ADGRD1: variants seen among roughly 807,000 people sequenced by gnomAD.
ADGRD1 encodes the protein G-protein coupled receptor 133.
In ADGRD1, 77 loss-of-function variants were observed where a neutral mutation model predicts 113.4. That is an observed-to-expected ratio of 0.68 (90% CI 0.57 to 0.82). The LOEUF (loss-of-function observed/expected upper bound fraction) is 0.82, where lower values mean the gene tolerates loss of function less well. Among genes scored for constraint, ADGRD1 ranks in the 40% least tolerant of loss-of-function variants. ADGRD1 has a pLI of 0.00. For synonymous variants in ADGRD1, 474 were observed against 475.0 expected, an observed-to-expected ratio of 1.00 and a Z score of 0.03; for missense variants, 1,036 against 1,139.1, an observed-to-expected ratio of 0.91 and a Z score of 1.30.
chr12:131,008,428 G>A (rs7971540), intron 12 of ADGRD1, among the ~76,000 whole-genome samples: 2,615 of 152,326 alleles, frequency 0.017, 49 homozygotes, highest in African/African-American at 0.051. Context: ...CTTTGGTGCC[G>A]TAGTGTCCTT....
At chr12:131,111,660 C>G (rs1361710681) in intron 18 of ADGRD1, among the ~76,000 whole-genome samples, 3 of 151,392 alleles carry the variant, frequency 2.0e-5, no homozygotes, top group Admixed American at 2.0e-4. Flanking sequence ...TTCTTTATCT[C>G]TCTTCAAGTT....
rs1452165200 is a variant in ADGRD1, at chr12:131,014,347, G to T, written c.1473+7G>T. ...CCACCTCAAGCACAGATTGGTGAGT[G>T]GCGGTGCCTTCACCCTTGTCGCCGC... On this transcript the variant is annotated splice_region_variant and intron_variant, in intron 13 of 24. Coordinates refer to ENST00000261654, the MANE Select transcript of ADGRD1 (RefSeq NM_198827.5). 2 of 1,610,408 alleles carry T rather than the reference G, an allele frequency of 1.2e-6. No individual in the cohort carries two copies. The highest frequency in any genetic ancestry group is 1.7e-6 in the Non-Finnish European group (2 of 1,177,744).
chr12:131,129,529 C>T (rs1725837), intron 20 of ADGRD1, among the ~76,000 whole-genome samples: 120 of 144,564 alleles, frequency 8.3e-4, no homozygotes, highest in African/African-American at 3.0e-3. Flanking sequence ...CCTGCTGTCT[C>T]GGTGTGGACG....
In ADGRD1 at chr12:130,966,581, C is replaced by T. The variant is rs764002300; in HGVS notation, c.187+35C>T. The T allele has an allele frequency of 2.3e-5, 31 of 1,365,762 alleles. No homozygotes were observed. Among genetic ancestry groups the T allele is most frequent in the African/African-American group, 1.0e-4 (7 of 69,944 alleles). 84.6% of individuals were successfully genotyped at this position (1,365,762 alleles called of 1,614,324 possible). A position where few individuals can be genotyped will look rare whatever the true frequency, so the allele number is the denominator to read the frequency against. On this transcript the variant is annotated intron_variant, in intron 3 of 24. Transcript: ENST00000261654. The surrounding 1 kb of genome is among the most constrained non-coding windows in gnomAD (Gnocchi z 4.6). ...CGGGTGCTGAGAGCGGCTGTGGGCG[C>T]GGGAATCCCAGGGCCATCAGGAGGC...
At chr12:130,986,496 T>G (rs1873702194) in intron 5 of ADGRD1, among the ~76,000 whole-genome samples, 1 of 152,246 alleles carries the variant, frequency 6.6e-6, no homozygotes, top group Admixed American at 6.5e-5. Context: ...ATATTAACCT[T>G]GTAGCCTGTA....
At chr12:131,005,309 C>T (rs531195156) in intron 11 of ADGRD1, among the ~76,000 whole-genome samples, 13 of 152,340 alleles carry the variant, frequency 8.5e-5, no homozygotes, top group Non-Finnish European at 1.6e-4. Flanking sequence ...GGGATGGTGC[C>T]GACATCTACC....
At chr12:130,980,660 A>C (rs1401765224) in intron 4 of ADGRD1, 2 of 152,130 alleles carry the variant, frequency 1.3e-5, no homozygotes, top group Non-Finnish European at 2.9e-5. Flanking sequence ...GGCCTCCCAA[A>C]GTGCTGGGAT....
intron 20 of ADGRD1, among the ~76,000 whole-genome samples, chr12:131,129,434 CTG>C (rs1441295444): frequency 9.1e-6 from 1 of 110,480 alleles, no homozygotes. Context: ...GCCCGCCCTG[CTG>C]TCTGGGTGTG....
chr12:131,136,265 C>T (rs1369080375), intron 22 of ADGRD1, 102 bp downstream of exon 22: 82 of 1,394,998 alleles, frequency 5.9e-5, no homozygotes, highest in African/African-American at 1.0e-4. Context: ...CCTGCCCTCC[C>T]GGCCACACCT....
chr12:131,007,066 G>A (rs1038872826), intron 12 of ADGRD1, among the ~76,000 whole-genome samples: 12 of 152,240 alleles, frequency 7.9e-5, no homozygotes, highest in African/African-American at 2.7e-4. Flanking sequence ...CATTTGTGAG[G>A]TGTCGCTGTG....
chr12:130,971,465 G>A lies in ADGRD1; in HGVS notation c.195G>A (p.Val65=), dbSNP rs755514444. The change falls in exon 4 of 25, where the codon GTG becomes GTA. Residue 65 remains valine (V), a synonymous_variant. Coordinates refer to ENST00000261654, the MANE Select transcript of ADGRD1 (RefSeq NM_198827.5). This position sits in a 1 kb window ranked among gnomAD's most constrained non-coding sequence, Gnocchi z 4.2. The part of the protein sequence containing the change: ...HELQDTTGDI[V]EGKVNKGIYL... ...GTCATTTTTCTTCCTTAGATATTGTGGAAGGGAAGGTCAACAAAGGCATTT... is the reference window on the plus strand; with the variant it reads ...GTCATTTTTCTTCCTTAGATATTGTAGAAGGGAAGGTCAACAAAGGCATTT... The A allele has an allele frequency of 1.2e-6, 2 of 1,613,044 alleles. No homozygotes were observed. Among genetic ancestry groups the A allele is most frequent in the South Asian group, 2.2e-5 (2 of 90,934 alleles).
At position 131,113,005 on chromosome 12, in the gene ADGRD1, T is replaced by TC. The variant is rs1950379566; in HGVS notation, c.2041+4132dup. Among the ~76,000 whole-genome samples the TC allele has an allele frequency of 6.6e-6, 1 of 152,078 alleles. No individual in the cohort carries two copies. The highest frequency in any genetic ancestry group is 2.4e-5 in the African/African-American group (1 of 41,404). On this transcript the variant is annotated intron_variant, in intron 18 of 24. Coordinates refer to ENST00000261654, the MANE Select transcript of ADGRD1 (RefSeq NM_198827.5). This position sits in a 1 kb window ranked among gnomAD's most constrained non-coding sequence, Gnocchi z 4.9. ...GGGGAATGAGAAATGCGGGCAGCCT[T>TC]CCCCACCTCCCCCAGCCTGGGGAGA... is the stretch of plus-strand genomic sequence containing the variant.
intron 2 of ADGRD1, chr12:130,956,601 T>A (rs1294562056): frequency 1.3e-5 from 2 of 151,996 alleles, no homozygotes; most frequent in African/African-American, 4.8e-5. Flanking sequence ...AGGAGAGGGG[T>A]AGCCCCTCGA....
At chr12:131,110,545 A>G (rs1217568287) in intron 18 of ADGRD1, among the ~76,000 whole-genome samples, 10 of 152,238 alleles carry the variant, frequency 6.6e-5, no homozygotes, top group East Asian at 3.8e-4. Context: ...GCACAATTCA[A>G]TAATACATTT....
intron 12 of ADGRD1, among the ~76,000 whole-genome samples, chr12:131,010,134 G>A (rs1280342234): frequency 1.3e-5 from 2 of 152,206 alleles, no homozygotes; most frequent in Admixed American, 1.3e-4. Flanking sequence ...TCAGTCAGGG[G>A]CTCAGTCTCC....
At chr12:131,038,697 A>G (rs1355706924) in intron 13 of ADGRD1, among the ~76,000 whole-genome samples, 1 of 152,176 alleles carries the variant, frequency 6.6e-6, no homozygotes, top group Non-Finnish European at 1.5e-5. Context: ...TGACTCTGCC[A>G]CGAGAGCACA....
At chr12:131,129,360 A>G (rs1950845318) in intron 20 of ADGRD1, among the ~76,000 whole-genome samples, 1 of 118,680 alleles carries the variant, frequency 8.4e-6, no homozygotes, top group Non-Finnish European at 1.7e-5. Flanking sequence ...TGTGAGTGAC[A>G]GGCTGGCCCT....
intron 15 of ADGRD1, among the ~76,000 whole-genome samples, chr12:131,094,598 A>C (rs1887151713): frequency 6.6e-6 from 1 of 151,806 alleles, no homozygotes; most frequent in East Asian, 2.0e-4. Flanking sequence ...CCGACTCCCC[A>C]AGCAATACTG....
At chr12:131,079,905 T>C (rs1885936516) in intron 14 of ADGRD1, among the ~76,000 whole-genome samples, 1 of 152,154 alleles carries the variant, frequency 6.6e-6, no homozygotes, top group Non-Finnish European at 1.5e-5. Context: ...TTTATTGATA[T>C]TTTTCCAAAG....
Sources: allele counts gnomAD v4.1 joint callset (sites outside exome capture counted in the v4.1 genomes callset), GRCh38; gene constraint gnomAD v4.1.1; non-coding constraint Gnocchi (gnomAD v3.1); transcripts MANE v1.5; gene names NCBI Gene and HGNC (gene_info 2026-07-23, HGNC 2026-07-21).